SOX6: variants seen among roughly 807,000 people sequenced by gnomAD.
SOX6 encodes the protein SRY-box transcription factor 6.
In SOX6, 11 loss-of-function variants were observed where a neutral mutation model predicts 97.8. The ratio of observed to expected loss-of-function variants is 0.11; its 90% CI spans 0.07 to 0.19. The LOEUF (loss-of-function observed/expected upper bound fraction) is 0.19. Among genes scored for constraint, SOX6 ranks in the 10% least tolerant of loss-of-function variants. The pLI, the probability that SOX6 is intolerant of heterozygous loss-of-function variation, is 1.00. For synonymous variants in SOX6, 360 were observed against 371.4 expected, an observed-to-expected ratio of 0.97 and a Z score of 0.35; for missense variants, 810 against 1,039.5, an observed-to-expected ratio of 0.78 and a Z score of 3.04.
intron 4 of SOX6, among the ~76,000 whole-genome samples, chr11:16,198,178 C>G (rs140727925): frequency 1.3e-5 from 2 of 151,250 alleles, no homozygotes; most frequent in Admixed American, 6.6e-5. Context: ...ATCAGCCTCC[C>G]GAGTAGCTGG....
chr11:16,275,023 C>T (rs1456107220), intron 3 of SOX6, among the ~76,000 whole-genome samples: 1 of 152,064 alleles, frequency 6.6e-6, no homozygotes, highest in Admixed American at 6.6e-5. Context: ...GGGGCAGAAT[C>T]TTGAAAAGTC....
intron 1 of SOX6, chr11:16,397,419 T>G (rs1378206626): frequency 1.3e-5 from 2 of 151,956 alleles, no homozygotes; most frequent in Admixed American, 6.6e-5. Context: ...TTTTAAAAAG[T>G]GGACAGAAAA....
intron 6 of SOX6, among the ~76,000 whole-genome samples, chr11:16,132,412 AGAAAG>A (rs1849813755): frequency 2.8e-5 from 3 of 105,338 alleles, no homozygotes. Context: ...AAAGAAAGAA[AGAAAG>A]AAAGAAAGAA....
At chr11:16,014,403 G>T (rs1346802572) in intron 13 of SOX6, among the ~76,000 whole-genome samples, 1 of 152,052 alleles carries the variant, frequency 6.6e-6, no homozygotes, top group African/African-American at 2.4e-5. Flanking sequence ...TGCTAAAACT[G>T]CTGCAAACTA....
chr11:16,738,067 C>T (rs759000466), intron 1 of SOX6, among the ~76,000 whole-genome samples: 8 of 152,100 alleles, frequency 5.3e-5, no homozygotes, highest in Admixed American at 1.3e-4. Context: ...TCAGCTAAAT[C>T]CCCGTTTTCA....
chr11:16,730,794 T>G (rs1043680556), intron 2 of SOX6, among the ~76,000 whole-genome samples: 3 of 151,792 alleles, frequency 2.0e-5, no homozygotes, highest in African/African-American at 7.3e-5. Flanking sequence ...TCAAAAAAAT[T>G]CAATAAATCC....
At position 16,509,900 on chromosome 11, in the gene SOX6, TAAC is replaced by T. The variant is rs142770086; in HGVS notation, n.610-33515_610-33513del. ...CTCTGTAAACACAACTCAATAAACATAACAACACTCTAGATATCATTTTTACTG... is the reference window on the plus strand; with the variant it reads ...CTCTGTAAACACAACTCAATAAACATAACACTCTAGATATCATTTTTACTG... On this transcript the variant is annotated intron_variant and non_coding_transcript_variant, in intron 4 of 5. Coordinates refer to the SOX6 transcript ENST00000524520. 6.9e-3 allele frequency among the ~76,000 whole-genome samples: 1,051 copies of T among 152,152 alleles called. 8 individuals carry two copies. The highest frequency in any genetic ancestry group is 0.024 in the African/African-American group (1,002 of 41,542).
intron 1 of SOX6, among the ~76,000 whole-genome samples, chr11:16,436,467 G>A (rs1859378459): frequency 1.3e-5 from 2 of 151,682 alleles, no homozygotes; most frequent in Admixed American, 6.6e-5. Context: ...TCCTTTGCAG[G>A]TAACTCCCAA....
Position 15,989,177 on chromosome 11 carries a change from G to C in SOX6, c.1786C>G (p.Pro596Ala). Reference sequence around the variant, plus strand: ...TCAGCCACAGTGGCACCTCCTGTTGGCCAACAATAATACTGCTGTAGTTTA... The same window carrying C: ...TCAGCCACAGTGGCACCTCCTGTTGCCCAACAATAATACTGCTGTAGTTTA... Reference protein sequence around the residue: ...AAKLQQYYCWPTGGATVAEAR... With the variant: ...AAKLQQYYCWATGGATVAEAR... Residue 596 changes from proline to alanine, a missense_variant, in exon 14 of 16, where the codon CCA becomes GCA. Coordinates refer to ENST00000683767, the MANE Select transcript of SOX6 (RefSeq NM_001367873.1). 6.2e-7 allele frequency: 1 copy of C among 1,614,014 alleles called. No individual in the cohort carries two copies. The highest frequency in any genetic ancestry group is 8.5e-7 in the Non-Finnish European group (1 of 1,179,920).
At chr11:16,135,852 G>A (rs1356624400) in intron 6 of SOX6, among the ~76,000 whole-genome samples, 1 of 152,186 alleles carries the variant, frequency 6.6e-6, no homozygotes, top group Admixed American at 6.5e-5. Flanking sequence ...ATTACATGCT[G>A]CAGAGAAATC....
At chr11:16,431,384 C>CT (rs1447124126) in intron 1 of SOX6, among the ~76,000 whole-genome samples, 2 of 152,078 alleles carry the variant, frequency 1.3e-5, no homozygotes, top group African/African-American at 4.8e-5. Context: ...GTTGACTCTA[C>CT]ATCTAAGATG....
At chr11:16,601,712 C>T (rs909507265) in intron 4 of SOX6, among the ~76,000 whole-genome samples, 2 of 152,038 alleles carry the variant, frequency 1.3e-5, no homozygotes, top group Admixed American at 1.3e-4. Flanking sequence ...TTAAAAGTCA[C>T]TAATATCTTC....
At chr11:16,257,346 T>C (rs999971394) in intron 3 of SOX6, among the ~76,000 whole-genome samples, 1 of 151,786 alleles carries the variant, frequency 6.6e-6, no homozygotes, top group East Asian at 1.9e-4. Flanking sequence ...TGTGTGGTAC[T>C]GGTAAAAGAA....
chr11:16,028,521 G>C (rs963820194), intron 12 of SOX6, among the ~76,000 whole-genome samples: 1 of 152,164 alleles, frequency 6.6e-6, no homozygotes, highest in East Asian at 1.9e-4. Flanking sequence ...CTGGCTAGGA[G>C]GGATGACAAC....
At chr11:16,205,259 T>G (rs796100829) in intron 4 of SOX6, among the ~76,000 whole-genome samples, 11 of 152,232 alleles carry the variant, frequency 7.2e-5, no homozygotes, top group African/African-American at 2.6e-4. Context: ...AAATGATATT[T>G]TTTTCAGAAA....
intron 3 of SOX6, chr11:16,311,822 G>T (rs756231807): frequency 2.6e-5 from 4 of 152,200 alleles, no homozygotes; most frequent in Admixed American, 6.6e-5. Flanking sequence ...TCTTTTAGTA[G>T]AGCAAAGTCT....
chr11:16,201,986 T>C (rs1357179141), intron 4 of SOX6, among the ~76,000 whole-genome samples: 1 of 152,064 alleles, frequency 6.6e-6, no homozygotes, highest in Non-Finnish European at 1.5e-5. Flanking sequence ...AAATAATAAA[T>C]TTATTTTTCA....
intron 1 of SOX6, among the ~76,000 whole-genome samples, chr11:16,426,696 C>T (rs904174070): frequency 6.6e-6 from 1 of 151,760 alleles, no homozygotes; most frequent in African/African-American, 2.4e-5. Context: ...GGGCGGATCA[C>T]GAGGTCAGGA....
At chr11:16,444,585 A>G (rs532085968) in intron 1 of SOX6, among the ~76,000 whole-genome samples, 43 of 152,316 alleles carry the variant, frequency 2.8e-4, no homozygotes, top group Admixed American at 2.7e-3. Context: ...TAAATGAGAT[A>G]ACATAATGTA....
Sources: gnomAD v4.1 joint callset for allele counts (sites outside exome capture counted in the v4.1 genomes callset) on GRCh38, gnomAD v4.1.1 for gene constraint, MANE v1.5 for transcripts, NCBI Gene and HGNC (gene_info 2026-07-23, HGNC 2026-07-21) for gene names.